Variants in PEX5L observed in about 807,000 individuals in gnomAD.
The protein encoded by PEX5L is PEX5-related protein.
PEX5L carries 30 observed loss-of-function variants against 84.0 expected under a neutral mutation model. That is an observed-to-expected ratio of 0.36 (90% CI 0.27 to 0.48). The LOEUF is 0.48. PEX5L is among the 20% of genes least tolerant of loss of function. PEX5L has a pLI of 0.99. For synonymous variants in PEX5L, 270 were observed against 283.1 expected, an observed-to-expected ratio of 0.95 and a Z score of 0.46; for missense variants, 533 against 754.6, an observed-to-expected ratio of 0.71 and a Z score of 3.44.
chr3:179,894,171 T>G (rs1267027491), intron 3 of PEX5L, among the ~76,000 whole-genome samples: 1 of 152,136 alleles, frequency 6.6e-6, no homozygotes, highest in Non-Finnish European at 1.5e-5. Flanking sequence ...GCTTAGAAAT[T>G]TATTCGGTGT....
intron 4 of PEX5L, chr3:179,881,583 A>G (rs1400448576): frequency 2.0e-5 from 3 of 152,244 alleles, no homozygotes; most frequent in Admixed American, 2.0e-4. Context: ...ATAGGTACTC[A>G]ATAAATGTGA....
chr3:179,959,976 A>T lies in PEX5L; in HGVS notation c.93+11618T>A, dbSNP rs111963228. Among the ~76,000 whole-genome samples the T allele has an allele frequency of 2.6e-4, 40 of 152,146 alleles. 1 individual carries two copies. The highest frequency in any genetic ancestry group is 7.2e-4 in the Admixed American group (11 of 15,302). ...TACATAATAAATTTCTCCAAGTAATAGAGTCTCAGATTTTTCTGTTTCTCC... is the reference window on the plus strand; with the variant it reads ...TACATAATAAATTTCTCCAAGTAATTGAGTCTCAGATTTTTCTGTTTCTCC... On this transcript the variant is annotated intron_variant, in intron 2 of 14. Transcript: ENST00000467460.
Position 179,982,261 on chromosome 3 carries a change from TG to T in PEX5L, c.22-10597del, listed in dbSNP as rs1156836587. 5.9e-5 allele frequency among the ~76,000 whole-genome samples: 9 copies of T among 152,342 alleles called. 1 individual carries two copies. The highest frequency in any genetic ancestry group is 2.2e-4 in the African/African-American group (9 of 41,588). On this transcript the variant is annotated intron_variant, in intron 1 of 14. Coordinates refer to ENST00000467460, the MANE Select transcript of PEX5L (RefSeq NM_016559.3). ...TTCTTGCTTCTTAGTGAGACACTTT[TG>T]TTCTTAATATTTAAAAATAATAACG... is the stretch of plus-strand genomic sequence containing the variant.
intron 3 of PEX5L, among the ~76,000 whole-genome samples, chr3:179,896,665 T>G (rs759327326): frequency 1.3e-5 from 2 of 152,158 alleles, no homozygotes; most frequent in Non-Finnish European, 2.9e-5. Context: ...TGTGAAGTCC[T>G]GAGGTGATAT....
intron 8 of PEX5L, among the ~76,000 whole-genome samples, chr3:179,850,134 T>G (rs1315606573): frequency 6.6e-6 from 1 of 152,030 alleles, no homozygotes; most frequent in African/African-American, 2.4e-5. Flanking sequence ...TACTTTTTTT[T>G]TTTGTTTTTT....
At chr3:179,807,943 T>C in intron 13 of PEX5L, 112 bp from the exon 14 acceptor site, 1 of 955,276 alleles carries the variant, frequency 1.0e-6, no homozygotes, top group Non-Finnish European at 1.6e-6. Flanking sequence ...GCAGTGCTCA[T>C]GGATGGAGAC....
intron 1 of PEX5L, among the ~76,000 whole-genome samples, chr3:180,002,705 G>T (rs1388970346): frequency 6.6e-6 from 1 of 151,944 alleles, no homozygotes; most frequent in African/African-American, 2.4e-5. Context: ...TTTCCATCAA[G>T]AAATATATTT....
chr3:179,914,737 T>C (rs1578389831), intron 2 of PEX5L, among the ~76,000 whole-genome samples: 1 of 152,342 alleles, frequency 6.6e-6, no homozygotes, highest in South Asian at 2.1e-4. Context: ...TGATGGCTCC[T>C]GGCTAAGAAT....
chr3:179,958,045 CAT>C (rs1781032669), intron 2 of PEX5L, among the ~76,000 whole-genome samples: 3 of 152,158 alleles, frequency 2.0e-5, no homozygotes, highest in Admixed American at 1.3e-4. Flanking sequence ...TACACACACA[CAT>C]GCACACATAT....
At chr3:179,824,746 A>T (rs1729789539) in intron 8 of PEX5L, among the ~76,000 whole-genome samples, 1 of 150,730 alleles carries the variant, frequency 6.6e-6, no homozygotes, top group African/African-American at 2.4e-5. Flanking sequence ...CTTCTTTTAC[A>T]TGACAAGGAA....
intron 2 of PEX5L, among the ~76,000 whole-genome samples, chr3:179,941,773 A>G (rs557482480): frequency 1.3e-5 from 2 of 152,274 alleles, no homozygotes; most frequent in African/African-American, 4.8e-5. Context: ...TTGTAATCCC[A>G]GGATTTTGTG....
At chr3:179,927,504 C>T (rs919090147) in intron 2 of PEX5L, among the ~76,000 whole-genome samples, 2 of 152,050 alleles carry the variant, frequency 1.3e-5, no homozygotes, top group Admixed American at 1.3e-4. Flanking sequence ...CTGTTTGCTA[C>T]CTTACTGGGG....
chr3:179,839,688 C>T (rs1175790151), intron 8 of PEX5L, among the ~76,000 whole-genome samples: 1 of 152,210 alleles, frequency 6.6e-6, no homozygotes, highest in East Asian at 1.9e-4. Flanking sequence ...TACATCCGTG[C>T]ACCATCCTAG....
intron 1 of PEX5L, among the ~76,000 whole-genome samples, chr3:179,982,532 AT>A (rs1251113101): frequency 1.3e-5 from 2 of 152,190 alleles, no homozygotes; most frequent in Non-Finnish European, 2.9e-5. Context: ...AATGGGAAAG[AT>A]TTCTTGAACA....
chr3:180,009,016 T>A (rs1789182612), intron 1 of PEX5L, among the ~76,000 whole-genome samples: 1 of 152,242 alleles, frequency 6.6e-6, no homozygotes. Flanking sequence ...TGTATAAACA[T>A]AGTGTTGATG....
At chr3:179,855,139 A>G (rs971300068) in intron 8 of PEX5L, among the ~76,000 whole-genome samples, 1 of 152,220 alleles carries the variant, frequency 6.6e-6, no homozygotes, top group African/African-American at 2.4e-5. Context: ...CCTGGAGCTC[A>G]GTAAGGGGAC....
intron 1 of PEX5L, among the ~76,000 whole-genome samples, chr3:180,006,789 A>G (rs1357073655): frequency 2.0e-5 from 3 of 152,200 alleles, no homozygotes; most frequent in Non-Finnish European, 2.9e-5. Context: ...CTTATTCACT[A>G]TCATGAGACT....
At chr3:179,978,256 G>A (rs1347579553) in intron 1 of PEX5L, among the ~76,000 whole-genome samples, 1 of 151,838 alleles carries the variant, frequency 6.6e-6, no homozygotes, top group East Asian at 1.9e-4. Context: ...TAGCCTGAAG[G>A]GTTTATGAAG....
chr3:180,001,982 T>G (rs2110425962), intron 1 of PEX5L, among the ~76,000 whole-genome samples: 1 of 152,330 alleles, frequency 6.6e-6, no homozygotes, highest in South Asian at 2.1e-4. Flanking sequence ...ACAAGTAGTA[T>G]GATATTGCAC....
Sources: allele counts gnomAD v4.1 joint callset (sites outside exome capture counted in the v4.1 genomes callset), GRCh38; gene constraint gnomAD v4.1.1; transcripts MANE v1.5; gene names NCBI Gene and HGNC (gene_info 2026-07-23, HGNC 2026-07-21).